APP: variants seen among roughly 807,000 people sequenced by gnomAD.
APP encodes the protein amyloid beta precursor protein, also known as amyloid-beta precursor protein.
In APP, 31 loss-of-function variants were observed where a neutral mutation model predicts 101.4. That is an observed-to-expected ratio of 0.31 (90% CI 0.23 to 0.41). The LOEUF (loss-of-function observed/expected upper bound fraction) is 0.41, where lower values mean the gene tolerates loss of function less well. Ranked by LOEUF, APP falls within the 10% of genes least tolerant of loss-of-function variation. APP has a pLI of 1.00. For missense variants in APP, 839 were observed against 1,003.7 expected, an observed-to-expected ratio of 0.84 and a Z score of 2.22; for synonymous variants, 366 against 364.4, an observed-to-expected ratio of 1.00 and a Z score of -0.05.
intron 13 of APP, among the ~76,000 whole-genome samples, chr21:25,930,529 T>A (rs2040097993): frequency 6.6e-6 from 1 of 151,714 alleles, no homozygotes; most frequent in African/African-American, 2.4e-5. Context: ...TCAAAGAGCC[T>A]AAAAAGACTT....
chr21:26,048,414 T>C (rs1601320716), intron 5 of APP, among the ~76,000 whole-genome samples: 1 of 151,940 alleles, frequency 6.6e-6, no homozygotes, highest in East Asian at 1.9e-4. Flanking sequence ...ACAGGGCCTA[T>C]AGAAAAAAAA....
At chr21:25,946,107 TA>T in intron 13 of APP, 1 of 295,872 alleles carries the variant, frequency 3.4e-6, no homozygotes, top group South Asian at 2.6e-5. Flanking sequence ...CTGTAAGAGC[TA>T]AAACTACAAA....
intron 1 of APP, among the ~76,000 whole-genome samples, chr21:26,119,338 A>C (rs963485953): frequency 6.6e-6 from 1 of 152,188 alleles, no homozygotes; most frequent in Non-Finnish European, 1.5e-5. Context: ...CGGGAAGCAA[A>C]CCCACAGCTT....
At chr21:26,170,909 C>A (rs1051800179), upstream of APP, 2 of 240,180 alleles carry the variant, frequency 8.3e-6, no homozygotes, top group Non-Finnish European at 1.4e-5. Flanking sequence ...CCTCGCGCCC[C>A]GCGCCCACAG....
chr21:26,017,934 C>T (rs756468517), intron 6 of APP, among the ~76,000 whole-genome samples: 8 of 152,032 alleles, frequency 5.3e-5, no homozygotes, highest in Non-Finnish European at 1.0e-4. Flanking sequence ...ATCTTGCAAT[C>T]GTGTGCTCAC....
chr21:25,909,570 G>T (rs112819666), intron 14 of APP, among the ~76,000 whole-genome samples: 2 of 152,248 alleles, frequency 1.3e-5, no homozygotes, highest in Non-Finnish European at 1.5e-5. Flanking sequence ...ATTACCAAGG[G>T]TTCACAGTGT....
chr21:25,996,666 C>CACTG (rs1235570531), intron 8 of APP, among the ~76,000 whole-genome samples: 1 of 152,148 alleles, frequency 6.6e-6, no homozygotes, highest in Non-Finnish European at 1.5e-5. Flanking sequence ...TTAGAAGTTC[C>CACTG]ACTGACTGAC....
chr21:26,074,510 C>T (rs751389234), intron 3 of APP, among the ~76,000 whole-genome samples: 22 of 152,164 alleles, frequency 1.4e-4, no homozygotes, highest in Non-Finnish European at 2.4e-4. Context: ...AATTCCAGCA[C>T]TAGGCCGAGG....
At chr21:25,915,329 C>G (rs56236757) in intron 13 of APP, among the ~76,000 whole-genome samples, 2,580 of 152,280 alleles carry the variant, frequency 0.017, 78 homozygotes, top group African/African-American at 0.059. Context: ...CTGTATGACT[C>G]TCCTCTCCCA....
intron 5 of APP, among the ~76,000 whole-genome samples, chr21:26,035,708 G>T (rs147889937): frequency 5.3e-5 from 8 of 152,164 alleles, no homozygotes; most frequent in Non-Finnish European, 1.5e-5. Flanking sequence ...CCTGGCTGCT[G>T]TACAGAGAAT....
chr21:25,917,824 G>GA (rs964015103), intron 13 of APP, among the ~76,000 whole-genome samples: 4 of 136,364 alleles, frequency 2.9e-5, no homozygotes, highest in South Asian at 2.3e-4. Flanking sequence ...AAATTTACCA[G>GA]AAAAAAAAGA....
chr21:26,131,261 T>A (rs1002409591), intron 1 of APP, among the ~76,000 whole-genome samples: 13 of 151,538 alleles, frequency 8.6e-5, no homozygotes, highest in African/African-American at 3.2e-4. Flanking sequence ...ATAAATTAAT[T>A]AATTAATTTA....
chr21:26,113,267 G>A (rs1259542304), intron 1 of APP, among the ~76,000 whole-genome samples: 4 of 152,102 alleles, frequency 2.6e-5, no homozygotes, highest in Non-Finnish European at 5.9e-5. Context: ...GTGATTCCAC[G>A]ATAACTTGTA....
intron 3 of APP, among the ~76,000 whole-genome samples, chr21:26,063,605 T>C (rs1317617289): frequency 6.6e-6 from 1 of 152,150 alleles, no homozygotes; most frequent in Non-Finnish European, 1.5e-5. Flanking sequence ...CGGAATAATT[T>C]GAGCAATAAA....
At chr21:25,991,269 C>G (rs2042850570) in intron 8 of APP, among the ~76,000 whole-genome samples, 1 of 46,112 alleles carries the variant, frequency 2.2e-5, no homozygotes. Context: ...CCACTATACA[C>G]TTCATCCCCG....
rs116355211 is a variant in APP, at chr21:26,106,527, T to C, written c.225+5452A>G. ...TCCACTGGATCTCCTTTCTGCCTAG[T>C]TCTTACAGAACTGAATACCATAGTC... On this transcript the variant is annotated intron_variant, in intron 2 of 17. Transcript: ENST00000346798. Among the ~76,000 whole-genome samples, 1,183 of 152,290 alleles carry C rather than the reference T, an allele frequency of 7.8e-3. 18 individuals carry two copies. The highest frequency in any genetic ancestry group is 0.027 in the African/African-American group (1,101 of 41,540).
intron 16 of APP, among the ~76,000 whole-genome samples, chr21:25,892,374 G>C (rs767877126): frequency 1.3e-5 from 2 of 152,242 alleles, no homozygotes; most frequent in East Asian, 3.9e-4. Flanking sequence ...CTCTGCAGAT[G>C]TCCTAATTTC....
At chr21:25,926,685 T>C (rs2039909789) in intron 13 of APP, among the ~76,000 whole-genome samples, 1 of 152,152 alleles carries the variant, frequency 6.6e-6, no homozygotes, top group Non-Finnish European at 1.5e-5. Context: ...CACTGTTCCA[T>C]GAAAAGTTCC....
intron 9 of APP, among the ~76,000 whole-genome samples, 167 bp downstream of exon 9, chr21:25,982,177 G>A (rs1002030852): frequency 6.6e-6 from 1 of 152,132 alleles, no homozygotes; most frequent in Admixed American, 6.5e-5. Context: ...TGTTCACGGA[G>A]GATGCAAAAA....
Sources: gnomAD v4.1 joint callset for allele counts (sites outside exome capture counted in the v4.1 genomes callset) on GRCh38, gnomAD v4.1.1 for gene constraint, MANE v1.5 for transcripts, NCBI Gene and HGNC (gene_info 2026-07-23, HGNC 2026-07-21) for gene names.